The following EHF variants were observed in gnomAD, a reference collection of about 807,000 sequenced individuals.
EHF encodes the protein ETS homologous factor, also known as ESE3 transcription factor.
Under a neutral mutation model 45.1 loss-of-function variants are expected in EHF, and 14 were observed. That is an observed-to-expected ratio of 0.31 (90% confidence interval 0.21 to 0.49). The LOEUF is 0.49. Among genes scored for constraint, EHF ranks in the 20% least tolerant of loss-of-function variants. The pLI, the probability that EHF is intolerant of heterozygous loss-of-function variation, is 0.99. For missense variants in EHF, 282 were observed against 371.4 expected (o/e 0.76, Z 1.98); for synonymous variants, 136 against 131.8 (o/e 1.03, Z -0.22).
intron 1 of EHF, among the ~76,000 whole-genome samples, chr11:34,634,903 C>T (rs1853243644): frequency 6.6e-6 from 1 of 152,112 alleles, no homozygotes; most frequent in African/African-American, 2.4e-5. Context: ...CAGAGAGTGG[C>T]CCAGTTCCCA....
intron 1 of EHF, among the ~76,000 whole-genome samples, chr11:34,635,496 G>A (rs376638683): frequency 8.6e-6 from 1 of 116,460 alleles, no homozygotes; most frequent in African/African-American, 3.1e-5. Flanking sequence ...TTTTTGCCCA[G>A]GCTGGAGTAC....
chr11:34,643,834 T>C lies in EHF; in HGVS notation c.97+1107T>C, dbSNP rs576027475. Among the ~76,000 whole-genome samples, 13 of 152,316 alleles carry C rather than the reference T, an allele frequency of 8.5e-5. No individual in the cohort carries two copies. The South Asian group carries it at 2.1e-3, about 24-fold the overall frequency. On this transcript the variant is annotated intron_variant, in intron 2 of 8. Transcript: ENST00000257831. ...CATCCCCAGGACCCTGGCCTCTCGATGAAGGCAGCATTTCTCCTGCTTGCT... is the reference window on the plus strand; with the variant it reads ...CATCCCCAGGACCCTGGCCTCTCGACGAAGGCAGCATTTCTCCTGCTTGCT...
chr11:34,627,993 A>T (rs1024468808), intron 1 of EHF, among the ~76,000 whole-genome samples: 1 of 152,248 alleles, frequency 6.6e-6, no homozygotes, highest in African/African-American at 2.4e-5. Flanking sequence ...ATATATTGTT[A>T]TCAGGTTGGT....
chr11:34,625,476 C>G (rs775100713), intron 1 of EHF, among the ~76,000 whole-genome samples: 1 of 152,168 alleles, frequency 6.6e-6, no homozygotes, highest in Non-Finnish European at 1.5e-5. Flanking sequence ...GACTGATTAT[C>G]CATGACTTAC....
At chr11:34,630,636 C>T (rs1178209548) in intron 1 of EHF, among the ~76,000 whole-genome samples, 1 of 151,732 alleles carries the variant, frequency 6.6e-6, no homozygotes, top group Non-Finnish European at 1.5e-5. Flanking sequence ...CAATCCCCAC[C>T]CCTTACCGTC....
chr11:34,633,263 G>A (rs1330208577), intron 1 of EHF, among the ~76,000 whole-genome samples: 2 of 152,176 alleles, frequency 1.3e-5, no homozygotes, highest in Admixed American at 1.3e-4. Flanking sequence ...ATAATAGTAG[G>A]TTATCTGCAG....
At position 34,659,194 on chromosome 11, in the gene EHF, T is replaced by C. The variant is rs1020037217; in HGVS notation, c.*263T>C. ...TGCTGTATGTGGTTGTGATTTTTTTTCACCTCTATTGTGAATTCTTTTTCA... is the reference window on the plus strand; with the variant it reads ...TGCTGTATGTGGTTGTGATTTTTTTCCACCTCTATTGTGAATTCTTTTTCA... On this transcript the variant is annotated 3_prime_UTR_variant, in exon 9 of 9. Transcript: ENST00000257831. The C allele has an allele frequency of 1.9e-5, 6 of 313,206 alleles. No individual in the cohort carries two copies. Among genetic ancestry groups the C allele is most frequent in the Non-Finnish European group, 3.5e-5 (6 of 171,658 alleles). 19.4% of individuals were successfully genotyped at this position (313,206 alleles called of 1,614,324 possible). A position where few individuals can be genotyped will look rare whatever the true frequency, so the allele number is the denominator to read the frequency against.
At chr11:34,633,599 T>TA (rs1339433357) in intron 1 of EHF, among the ~76,000 whole-genome samples, 2 of 152,122 alleles carry the variant, frequency 1.3e-5, no homozygotes, top group Non-Finnish European at 2.9e-5. Context: ...TGGCAAATAA[T>TA]ACAGTGATAG....
At chr11:34,637,818 T>C (rs1853593017) in intron 1 of EHF, among the ~76,000 whole-genome samples, 2 of 151,856 alleles carry the variant, frequency 1.3e-5, no homozygotes, top group Admixed American at 1.3e-4. Context: ...TACACTTCCC[T>C]CCAATTGTTC....
At chr11:34,646,745 T>A in intron 3 of EHF, 61 bp downstream of exon 3, 1 of 1,588,946 alleles carries the variant, frequency 6.3e-7, no homozygotes, top group Non-Finnish European at 8.5e-7. Flanking sequence ...AGAATAGAGA[T>A]TCTGCAGATG....
chr11:34,654,120 G>A (rs1057109306), intron 6 of EHF, among the ~76,000 whole-genome samples: 6 of 152,210 alleles, frequency 3.9e-5, no homozygotes, highest in Non-Finnish European at 1.5e-5. Flanking sequence ...TGAATCATAT[G>A]CAAATGCTTC....
chr11:34,651,638 C>T (rs200339805), intron 5 of EHF, 28 bp downstream of exon 5: 1 of 1,610,066 alleles, frequency 6.2e-7, no homozygotes, highest in East Asian at 2.2e-5. Flanking sequence ...ACTTAAGGCC[C>T]TTTACATTCT....
In EHF at chr11:34,660,072, C is replaced by T. The variant is rs868777104; in HGVS notation, c.*1141C>T. 2.0e-5 allele frequency: 3 copies of T among 152,094 alleles called. No individual in the cohort carries two copies. Among genetic ancestry groups the T allele is most frequent in the Non-Finnish European group, 4.4e-5 (3 of 68,012 alleles). 9.4% of individuals were successfully genotyped at this position (152,094 alleles called of 1,614,324 possible). On this transcript the variant is annotated 3_prime_UTR_variant, in exon 9 of 9. Transcript: ENST00000257831. ...GAAAAAGATATGTAAGGTCTTTTAG[C>T]TCCTTAGAGTGAAGCAAAAGCAAGA...
intron 1 of EHF, chr11:34,642,275 G>T: frequency 5.5e-6 from 1 of 182,498 alleles, no homozygotes; most frequent in Non-Finnish European, 1.2e-5. Flanking sequence ...AATCTCCTTG[G>T]CATTTTCACT....
intron 2 of EHF, among the ~76,000 whole-genome samples, chr11:34,646,028 GT>G (rs1164287525): frequency 0.012 from 248 of 21,320 alleles, no homozygotes; most frequent in African/African-American, 0.091. Flanking sequence ...GAGTTTGGTG[GT>G]GTGTGTGTGT....
chr11:34,656,095 C>G (rs1855644532), intron 6 of EHF, among the ~76,000 whole-genome samples: 1 of 152,070 alleles, frequency 6.6e-6, no homozygotes, highest in African/African-American at 2.4e-5. Context: ...CACACACACT[C>G]ACACTCACAC....
rs1217797946 is a variant in EHF at position 34,661,147 on chromosome 11, A to C, written c.*2216A>C. ...TGCTTTACAAGAAGGCCAAAGAACT[A>C]TGGGGCCTTCCCAGCATTTGACTGT... On this transcript the variant is annotated 3_prime_UTR_variant, in exon 9 of 9. Coordinates refer to ENST00000257831, the MANE Select transcript of EHF (RefSeq NM_012153.6). 6.6e-6 allele frequency: 1 copy of C among 152,186 alleles called. No homozygotes were observed. Among genetic ancestry groups the C allele is most frequent in the Non-Finnish European group, 1.5e-5 (1 of 68,008 alleles). The allele number at this position is 152,186 out of a possible 1,614,324, so 9.4% of individuals were successfully genotyped here.
intron 1 of EHF, among the ~76,000 whole-genome samples, chr11:34,626,124 G>A (rs976032311): frequency 1.3e-5 from 2 of 152,058 alleles, no homozygotes; most frequent in Non-Finnish European, 2.9e-5. Context: ...TTTCTTTGAT[G>A]TTGTTGCAAT....
At chr11:34,646,414 C>T (rs1404946464) in intron 2 of EHF, 25 bp from the exon 3 acceptor site, 9 of 1,612,926 alleles carry the variant, frequency 5.6e-6, no homozygotes, top group Non-Finnish European at 7.6e-6. Context: ...AGGGGTCACT[C>T]ATGAGGCTGC....
Sources: allele counts gnomAD v4.1 joint callset (sites outside exome capture counted in the v4.1 genomes callset), GRCh38; gene constraint gnomAD v4.1.1; transcripts MANE v1.5; gene names NCBI Gene and HGNC (gene_info 2026-07-23, HGNC 2026-07-21).